The following RBFOX2 variants were observed in gnomAD, a reference collection of about 807,000 sequenced individuals.
RBFOX2 encodes the protein RNA binding fox-1 homolog 2.
A neutral mutation model predicts 49.1 loss-of-function variants in RBFOX2; 10 were observed. That is an observed-to-expected ratio of 0.20 (90% CI 0.13 to 0.35). The LOEUF is 0.35. Among genes scored for constraint, RBFOX2 ranks in the 10% least tolerant of loss-of-function variants. The pLI is 1.00. For synonymous variants in RBFOX2, 183 were observed against 187.4 expected (o/e 0.98, Z 0.19); for missense variants, 323 against 486.9 (o/e 0.66, Z 3.17).
At chr22:35,814,433 G>C (rs1421107713) in intron 1 of RBFOX2, among the ~76,000 whole-genome samples, 2 of 152,050 alleles carry the variant, frequency 1.3e-5, no homozygotes, top group Non-Finnish European at 2.9e-5. Context: ...ACAAGGCCCT[G>C]CATGGTGGCT....
At chr22:35,754,988 A>G (rs2146110971) in intron 9 of RBFOX2, among the ~76,000 whole-genome samples, 1 of 152,314 alleles carries the variant, frequency 6.6e-6, no homozygotes, top group South Asian at 2.1e-4. Flanking sequence ...GTATCATCCC[A>G]TCTCTACTTC....
chr22:35,746,537 C>T (rs760856154), exon 10 of RBFOX2: 2 of 1,608,218 alleles, frequency 1.2e-6, no homozygotes, highest in East Asian at 4.5e-5. Context: ...GCAGGCTGTG[C>T]ATATCTGTAG....
Position 35,899,275 on chromosome 22 carries a change from GT to G in RBFOX2, c.-34+39571del, listed in dbSNP as rs556021528. 1.4e-4 allele frequency among the ~76,000 whole-genome samples: 22 copies of G among 151,914 alleles called. No individual in the cohort carries two copies. In the East Asian group the frequency reaches 4.1e-3, roughly 28 times the overall value. On this transcript the variant is annotated intron_variant, in intron 1 of 13. Coordinates refer to the RBFOX2 transcript ENST00000359369. Reference sequence around the variant, plus strand: ...AAAGAAACCCTCAAAATAAAGAAAAGTTTAAATATGTCACAAAAACTCTGCA... The same window carrying G: ...AAAGAAACCCTCAAAATAAAGAAAAGTTAAATATGTCACAAAAACTCTGCA...
intron 6 of RBFOX2, among the ~76,000 whole-genome samples, chr22:35,764,667 C>T (rs1940346990): frequency 6.6e-6 from 1 of 151,806 alleles, no homozygotes; most frequent in African/African-American, 2.4e-5. Context: ...ACCCTAATTG[C>T]TCAGACTAAA....
At chr22:35,878,240 T>TA (rs1223811160) in intron 1 of RBFOX2, among the ~76,000 whole-genome samples, 6 of 151,878 alleles carry the variant, frequency 4.0e-5, no homozygotes, top group Admixed American at 3.9e-4. Context: ...CTACTAAAAA[T>TA]ACAAAAAATT....
chr22:35,890,751 A>G (rs1175253860), intron 1 of RBFOX2, among the ~76,000 whole-genome samples: 2 of 152,190 alleles, frequency 1.3e-5, no homozygotes, highest in Non-Finnish European at 2.9e-5. Context: ...GCTAACACTC[A>G]GGTGCACTGA....
intron 1 of RBFOX2, among the ~76,000 whole-genome samples, chr22:35,938,063 T>A (rs1362654142): frequency 1.3e-5 from 2 of 152,222 alleles, no homozygotes; most frequent in Non-Finnish European, 2.9e-5. Flanking sequence ...CCAAGATATT[T>A]CTAGGAGCTA....
chr22:35,800,105 G>A (rs1457347236), intron 2 of RBFOX2, among the ~76,000 whole-genome samples: 2 of 152,122 alleles, frequency 1.3e-5, no homozygotes, highest in African/African-American at 4.8e-5. Flanking sequence ...ACTGAAATTG[G>A]AGGTAAAATG....
intron 1 of RBFOX2, among the ~76,000 whole-genome samples, chr22:35,875,736 T>TA (rs754184241): frequency 6.7e-6 from 1 of 149,122 alleles, no homozygotes; most frequent in Non-Finnish European, 1.5e-5. Flanking sequence ...AAGTCCCGAC[T>TA]ACCCTTTTCC....
chr22:35,945,292 C>T (rs1478813942), intron 1 of RBFOX2, among the ~76,000 whole-genome samples: 2 of 152,070 alleles, frequency 1.3e-5, no homozygotes, highest in South Asian at 2.1e-4. Flanking sequence ...CTATGTTATT[C>T]GCAGCAAGTT....
chr22:35,857,861 G>A (rs774730485), intron 1 of RBFOX2, among the ~76,000 whole-genome samples: 14 of 152,310 alleles, frequency 9.2e-5, no homozygotes, highest in South Asian at 2.1e-4. Flanking sequence ...AAGCATAATC[G>A]TGTACTATTC....
chr22:35,935,903 G>A (rs769058140), intron 1 of RBFOX2, among the ~76,000 whole-genome samples: 1 of 152,066 alleles, frequency 6.6e-6, no homozygotes, highest in African/African-American at 2.4e-5. Context: ...TTCAAAAGGG[G>A]TGTTTGGGAG....
intron 9 of RBFOX2, chr22:35,747,391 C>G (rs1344228552): frequency 6.6e-6 from 1 of 152,228 alleles, no homozygotes; most frequent in Non-Finnish European, 1.5e-5. Flanking sequence ...GAGATTCTTA[C>G]ATATTAATCT....
At chr22:35,897,279 T>C in intron 1 of RBFOX2, 1 of 1,509,552 alleles carries the variant, frequency 6.6e-7, no homozygotes, top group South Asian at 1.1e-5. Context: ...GTTGACGGTC[T>C]TGGCCAGCTT....
At chr22:35,885,674 T>C (rs557729351) in intron 1 of RBFOX2, among the ~76,000 whole-genome samples, 3 of 151,896 alleles carry the variant, frequency 2.0e-5, no homozygotes, top group Non-Finnish European at 4.4e-5. Context: ...AGCTAGGTCG[T>C]TTCCCCGCAT....
intron 1 of RBFOX2, among the ~76,000 whole-genome samples, chr22:36,006,245 C>G (rs2058614201): frequency 6.6e-6 from 1 of 152,168 alleles, no homozygotes; most frequent in South Asian, 2.1e-4. Context: ...GAGCAAAATG[C>G]ATGCCTGCAT....
Position 35,766,841 on chromosome 22 carries a change from C to G in RBFOX2, c.547-1358G>C, listed in dbSNP as rs926477309. ...ATGGCCAGAACCAATCAGAAACCAC[C>G]AGTCAGCAAAAGAGACCAACAGCTG... On this transcript the variant is annotated intron_variant, in intron 5 of 11. Transcript: ENST00000405409. 5.9e-5 allele frequency among the ~76,000 whole-genome samples: 9 copies of G among 152,134 alleles called. No homozygotes were observed. The East Asian group carries it at 1.7e-3, about 29-fold the overall frequency.
intron 1 of RBFOX2, among the ~76,000 whole-genome samples, chr22:35,866,581 G>C (rs866125632): frequency 5.9e-5 from 9 of 152,048 alleles, no homozygotes; most frequent in Admixed American, 1.3e-4. Flanking sequence ...TTAAACATAA[G>C]ATGACTCCTC....
exon 12 of RBFOX2, chr22:35,744,073 T>A (rs1206356083): frequency 4.0e-6 from 3 of 748,136 alleles, no homozygotes; most frequent in Non-Finnish European, 5.8e-6. Flanking sequence ...CTTTCTTTTT[T>A]TGTGTTTTTT....
Sources: gnomAD v4.1 joint callset for allele counts (sites outside exome capture counted in the v4.1 genomes callset) on GRCh38, gnomAD v4.1.1 for gene constraint, MANE v1.5 for transcripts, NCBI Gene and HGNC (gene_info 2026-07-23, HGNC 2026-07-21) for gene names.